CILP: variants seen among roughly 807,000 people sequenced by gnomAD.
The protein encoded by CILP is cartilage intermediate layer protein, also known as cartilage intermediate layer protein 1.
A neutral mutation model predicts 82.5 loss-of-function variants in CILP; 75 were observed. The observed-to-expected ratio is 0.91, with a 90% confidence interval of 0.75 to 1.10. The LOEUF (loss-of-function observed/expected upper bound fraction) is 1.10, where lower values mean the gene tolerates loss of function less well. Among genes scored for constraint, CILP ranks in the 50% least tolerant of loss-of-function variants. The probability of loss-of-function intolerance (pLI) is 0.00; values close to 1 mark genes in which losing one functional copy is unlikely to be tolerated. For missense variants in CILP, 1,479 were observed against 1,530.8 expected, an observed-to-expected ratio of 0.97 and a Z score of 0.56; for synonymous variants, 530 against 580.3, an observed-to-expected ratio of 0.91 and a Z score of 1.25.
At position 65,199,009 on chromosome 15, in the gene CILP, T is replaced by C; in HGVS notation, c.1277A>G (p.Tyr426Cys). 1 of 1,609,956 alleles carries C rather than the reference T, an allele frequency of 6.2e-7. No homozygotes were observed. The highest frequency in any genetic ancestry group is 8.5e-7 in the Non-Finnish European group (1 of 1,179,990). ...AACAGGGCAGCGTCCCACGTCATAG[T>C]AGAAGGAGTTGGTGGCATTCTGAAA... ...DCFQNATNSF[Y>C]YDVGRCPVKT... The change falls in exon 9 of 9, where the codon TAC becomes TGC. Residue 426 changes from tyrosine to cysteine, a missense_variant. By Grantham distance (194) the Tyr-to-Cys change is radical. Transcript: ENST00000261883.
intron 6 of CILP, 152 bp from the exon 7 acceptor site, chr15:65,203,622 T>C (rs1255638295): frequency 1.2e-5 from 7 of 599,528 alleles, no homozygotes; most frequent in South Asian, 2.1e-5. Context: ...CTAAGGGAAT[T>C]GGTTCAGAGT....
rs746069505 is a variant in CILP, at chr15:65,198,655, C to T, written c.1631G>A (p.Arg544Lys). The change falls in exon 9 of 9, where the codon AGG (arginine) becomes AAG (lysine). Residue 544 changes from arginine to lysine, a missense_variant. Physicochemically the swap from Arg to Lys is conservative, Grantham distance 26. Transcript: ENST00000261883. ...GGTGGTGTTGACAAACTTCTGCAGC[C>T]TGTCCACAAATGTGAGCACCAGCCT... is the stretch of plus-strand genomic sequence containing the variant. Reference protein sequence around the residue: ...TERLVLTFVDRLQKFVNTTKV... With the variant: ...TERLVLTFVDKLQKFVNTTKV... 6.2e-7 allele frequency: 1 copy of T among 1,614,264 alleles called. No individual in the cohort carries two copies. The highest frequency in any genetic ancestry group is 8.5e-7 in the Non-Finnish European group (1 of 1,180,052).
At chr15:65,207,138 C>T in intron 3 of CILP, 87 bp from the exon 4 acceptor site, 1 of 1,427,738 alleles carries the variant, frequency 7.0e-7, no homozygotes, top group Non-Finnish European at 9.4e-7. Context: ...CAGCTGGCCT[C>T]AGGCCCTATC....
Position 65,198,103 on chromosome 15 carries a change from G to C in CILP, c.2183C>G (p.Thr728Ser), listed in dbSNP as rs142177709. The change falls in exon 9 of 9, where the codon ACC (threonine) becomes AGC (serine). Residue 728 changes from threonine to serine, a missense_variant. Transcript: ENST00000261883. ...AATCTCCAGGTTGCCCACCAGGAAG[G>C]TTCTGTCTTCTCTTTTGTTCCTCCT... is the stretch of plus-strand genomic sequence containing the variant. The part of the protein sequence containing the change: ...NQRRNKREDR[T>S]FLVGNLEIRE... 6.6e-5 allele frequency: 107 copies of C among 1,614,102 alleles called. No homozygotes were observed. Among genetic ancestry groups the C allele is most frequent in the Middle Eastern group, 1.6e-4 (1 of 6,084 alleles).
chr15:65,201,988 T>C lies in CILP; in HGVS notation c.1070A>G (p.His357Arg). ...DTLLDPSLYK[H>R]ESKLVLRKLQ... Reference sequence around the variant, plus strand: ...TTTCCTCAGCACCAGCTTGCTCTCATGCTTGTAGAGGGAAGGATCCAGCAA... The same window carrying C: ...TTTCCTCAGCACCAGCTTGCTCTCACGCTTGTAGAGGGAAGGATCCAGCAA... Residue 357 changes from histidine (H) to arginine (R), a missense_variant, in exon 8 of 9, where the codon CAT (histidine) becomes CGT (arginine). His to Arg is a conservative substitution (Grantham distance 29). Coordinates refer to ENST00000261883, the MANE Select transcript of CILP (RefSeq NM_003613.4). 6.2e-7 allele frequency: 1 copy of C among 1,603,056 alleles called. No individual in the cohort carries two copies. Among genetic ancestry groups the C allele is most frequent in the Non-Finnish European group, 8.5e-7 (1 of 1,175,436 alleles).
At position 65,198,050 on chromosome 15, in the gene CILP, C is replaced by T. The variant is rs1220268226; in HGVS notation, c.2236G>A (p.Val746Ile). 1.2e-6 allele frequency: 2 copies of T among 1,614,252 alleles called. No homozygotes were observed. The highest frequency in any genetic ancestry group is 2.2e-5 in the South Asian group (2 of 91,090). The stretch of plus-strand genomic sequence containing the variant: ...ACAAAGCACCGCCTGCTTTCAGGAA[C>T]ATCCAGGTTAAAGAGCCTCCTCTCA... ...IRERRLFNLDVPESRRCFVKV... is the reference protein window; with the variant it reads ...IRERRLFNLDIPESRRCFVKV... Residue 746 changes from valine (V) to isoleucine (I), a missense_variant, in exon 9 of 9, where the codon GTT becomes ATT. Physicochemically the swap from Val to Ile is conservative, Grantham distance 29. Transcript: ENST00000261883.
At chr15:65,201,056 C>T (rs2140675576) in intron 8 of CILP, among the ~76,000 whole-genome samples, 1 of 151,978 alleles carries the variant, frequency 6.6e-6, no homozygotes, top group South Asian at 2.1e-4. Flanking sequence ...GGCTGGAGTG[C>T]AGTGGCGTGA....
In CILP at chr15:65,195,558, G is replaced by A. The variant is rs1343675752; in HGVS notation, c.*1173C>T. ...GTCTGTAACACACAACAGAGATCTG[G>A]TGTCTGGAAAAGTTGAACATCTTTA... On this transcript the variant is annotated 3_prime_UTR_variant, in exon 9 of 9. Coordinates refer to ENST00000261883, the MANE Select transcript of CILP (RefSeq NM_003613.4). The A allele has an allele frequency of 6.6e-6, 1 of 152,202 alleles. No homozygotes were observed. Among genetic ancestry groups the A allele is most frequent in the African/African-American group, 2.4e-5 (1 of 41,448 alleles). The allele number at this position is 152,202 out of a possible 1,614,324, so 9.4% of individuals were successfully genotyped here. A position where few individuals can be genotyped will look rare whatever the true frequency, so the allele number is the denominator to read the frequency against.
At chr15:65,205,209 A>C in intron 5 of CILP, 78 bp downstream of exon 5, 1 of 1,399,958 alleles carries the variant, frequency 7.1e-7, no homozygotes. Flanking sequence ...ATCAGTCTCA[A>C]ACTGACCCTC....
At chr15:65,206,372 A>G (rs1043808264) in intron 4 of CILP, among the ~76,000 whole-genome samples, 3 of 152,268 alleles carry the variant, frequency 2.0e-5, no homozygotes, top group Admixed American at 2.0e-4. Context: ...CCCTATGAAG[A>G]CTTACTATTA....
intron 2 of CILP, among the ~76,000 whole-genome samples, chr15:65,209,296 A>G (rs2140684643): frequency 6.6e-6 from 1 of 152,206 alleles, no homozygotes; most frequent in Non-Finnish European, 1.5e-5. Flanking sequence ...GGGCCAAAAG[A>G]ATCTTCATAA....
At position 65,195,030 on chromosome 15, in the gene CILP, G is replaced by C. The variant is rs1595954300; in HGVS notation, c.*1701C>G. Reference sequence around the variant, plus strand: ...AAGCAGTCAGTGAGAGCTGCTTCCTGGGAGCAGTGGGACAGATGTGGAGTC... The same window carrying C: ...AAGCAGTCAGTGAGAGCTGCTTCCTCGGAGCAGTGGGACAGATGTGGAGTC... On this transcript the variant is annotated 3_prime_UTR_variant, in exon 9 of 9. Transcript: ENST00000261883. 1 of 152,266 alleles carries C rather than the reference G, an allele frequency of 6.6e-6. No individual in the cohort carries two copies. The highest frequency in any genetic ancestry group is 2.4e-5 in the African/African-American group (1 of 41,444). 9.4% of individuals were successfully genotyped at this position (152,266 alleles called of 1,614,324 possible). A position where few individuals can be genotyped will look rare whatever the true frequency, so the allele number is the denominator to read the frequency against.
In CILP at chr15:65,206,769, C is replaced by A; in HGVS notation, c.424+13G>T. ...GGGAAGTAGCGGGTGGGGGTGGGGG[C>A]GTTCTGGCTTACCTGGTGGGCAGAG... is the stretch of plus-strand genomic sequence containing the variant. On this transcript the variant is annotated intron_variant, in intron 4 of 8. Transcript: ENST00000261883. The A allele has an allele frequency of 6.3e-7, 1 of 1,596,406 alleles. No individual in the cohort carries two copies. The highest frequency in any genetic ancestry group is 2.3e-5 in the East Asian group (1 of 44,418).
At chr15:65,210,949 A>G (rs2088579598) in intron 1 of CILP, among the ~76,000 whole-genome samples, 1 of 152,188 alleles carries the variant, frequency 6.6e-6, no homozygotes, top group African/African-American at 2.4e-5. Flanking sequence ...CCTGCACTGC[A>G]TTCAGCCTGA....
rs751182101 is a variant in CILP, at chr15:65,197,673, C to G, written c.2613G>C (p.Lys871Asn). 5 of 1,614,022 alleles carry G rather than the reference C, an allele frequency of 3.1e-6. No homozygotes were observed. The highest frequency in any genetic ancestry group is 4.2e-6 in the Non-Finnish European group (5 of 1,180,040). The change falls in exon 9 of 9, where the codon AAG becomes AAC. Residue 871 changes from lysine to asparagine, a missense_variant. By Grantham distance (94) the Lys-to-Asn change is moderately conservative. Coordinates refer to ENST00000261883, the MANE Select transcript of CILP (RefSeq NM_003613.4). ...RTDHEDPRVK[K>N]TAFQISMAKP... ...TGGCCATGCTAATCTGGAAAGCTGTCTTTTTAACCCGTGGATCCTCATGGT... is the reference window on the plus strand; with the variant it reads ...TGGCCATGCTAATCTGGAAAGCTGTGTTTTTAACCCGTGGATCCTCATGGT...
chr15:65,206,160 A>C (rs2088515546), intron 4 of CILP, among the ~76,000 whole-genome samples: 1 of 152,210 alleles, frequency 6.6e-6, no homozygotes, highest in Non-Finnish European at 1.5e-5. Context: ...CAGCTATGGA[A>C]TCGTGAGAAG....
chr15:65,203,380 C>T lies in CILP; in HGVS notation c.1010G>A (p.Arg337Lys), dbSNP rs1373640539. Residue 337 changes from arginine to lysine, a missense_variant, in exon 7 of 9, where the codon AGG (arginine) becomes AAG (lysine). Arg to Lys is a conservative substitution (Grantham distance 26). Transcript: ENST00000261883. ...SLCCKATGKPRPDKYFWYHND... is the reference protein window; with the variant it reads ...SLCCKATGKPKPDKYFWYHND... ...TACGCACCAAAAATACTTGTCTGGC[C>T]TGGGCTTCCCTGTGGCCTTACAGCA... The T allele has an allele frequency of 6.2e-7, 1 of 1,613,510 alleles. No homozygotes were observed. Among genetic ancestry groups the T allele is most frequent in the Admixed American group, 1.7e-5 (1 of 60,022 alleles).
In CILP at chr15:65,206,953, C is replaced by G. The variant is rs748572656; in HGVS notation, c.253G>C (p.Val85Leu). 1 of 1,614,052 alleles carries G rather than the reference C, an allele frequency of 6.2e-7. No individual in the cohort carries two copies. The highest frequency in any genetic ancestry group is 8.5e-7 in the Non-Finnish European group (1 of 1,180,010). The change falls in exon 4 of 9, where the codon GTA becomes CTA. Residue 85 changes from valine to leucine, a missense_variant. Physicochemically the swap from Val to Leu is conservative, Grantham distance 32. Transcript: ENST00000261883. ...DAIRFYYGDR[V>L]CARPLRLEAR... ...TCTAGCCGCAGGGGACGGGCACATA[C>G]ACGGTCCCCATAGTAGAAGCGAATG...
chr15:65,197,438 C>A lies in CILP; in HGVS notation c.2848G>T (p.Glu950Ter). 6.2e-7 allele frequency: 1 copy of A among 1,614,250 alleles called. No individual in the cohort carries two copies. The highest frequency in any genetic ancestry group is 8.5e-7 in the Non-Finnish European group (1 of 1,180,044). ...DYLAWWPKPM[E>*]FRACYIKVKI... ...ACCTTGATATAGCAGGCCCTGAATTCCATCGGCTTTGGCCACCATGCCAGA... is the reference window on the plus strand; with the variant it reads ...ACCTTGATATAGCAGGCCCTGAATTACATCGGCTTTGGCCACCATGCCAGA... Residue 950 changes from glutamate (E) to a stop codon, truncating the protein, a stop_gained, in exon 9 of 9, where the codon GAA (glutamate) becomes TAA (stop). Transcript: ENST00000261883. LOFTEE classifies it high-confidence loss of function.
Sources: gnomAD v4.1 joint callset for allele counts (sites outside exome capture counted in the v4.1 genomes callset) on GRCh38, gnomAD v4.1.1 for gene constraint, MANE v1.5 for transcripts, NCBI Gene and HGNC (gene_info 2026-07-23, HGNC 2026-07-21) for gene names.